DCK: variants seen among roughly 807,000 people sequenced by gnomAD.
DCK encodes deoxycytidine kinase, also known as deoxyadenosine kinase.
DCK carries 23 observed loss-of-function variants against 38.3 expected under a neutral mutation model. The ratio of observed to expected loss-of-function variants is 0.60; its 90% CI spans 0.43 to 0.85. The LOEUF is 0.85. DCK is among the 40% of genes least tolerant of loss of function. The pLI, the probability that DCK is intolerant of heterozygous loss-of-function variation, is 0.00. For synonymous variants in DCK, 108 were observed against 100.6 expected (o/e 1.07, Z -0.44); for missense variants, 259 against 304.4 (o/e 0.85, Z 1.11).
chr4:71,002,679 C>G (rs1219933245), intron 2 of DCK, among the ~76,000 whole-genome samples: 1 of 151,986 alleles, frequency 6.6e-6, no homozygotes, highest in Admixed American at 6.6e-5. Flanking sequence ...ATAGTTAGCT[C>G]TTGTTGTTGC....
chr4:71,023,006 G>T (rs965371507), intron 3 of DCK, among the ~76,000 whole-genome samples: 1 of 151,884 alleles, frequency 6.6e-6, no homozygotes, highest in Non-Finnish European at 1.5e-5. Flanking sequence ...TTGATCTCAG[G>T]GCCCTTTTCA....
chr4:70,994,089 C>T (rs940465625), intron 1 of DCK, 163 bp downstream of exon 1: 1 of 641,868 alleles, frequency 1.6e-6, no homozygotes, highest in East Asian at 2.9e-5. Context: ...AGCATCCTTC[C>T]CTTACCTCCC....
At chr4:71,012,578 A>G (rs1740131092) in intron 2 of DCK, among the ~76,000 whole-genome samples, 1 of 152,204 alleles carries the variant, frequency 6.6e-6, no homozygotes, top group Non-Finnish European at 1.5e-5. Context: ...CTTCCAGAGG[A>G]ACGATCAGGC....
rs72854186 is a variant in DCK, at chr4:71,005,240, C to G, written c.207+7058C>G. Among the ~76,000 whole-genome samples, 54 of 151,934 alleles carry G rather than the reference C, an allele frequency of 3.6e-4. 1 individual carries two copies. The highest frequency in any genetic ancestry group is 1.3e-3 in the African/African-American group (53 of 41,454). On this transcript the variant is annotated intron_variant, in intron 2 of 6. Transcript: ENST00000286648. ...GAGGGAGTTCCCCCACCCCTTTCACCTTCCAGGTGAGGCGATGCCCCACCC... is the reference window on the plus strand; with the variant it reads ...GAGGGAGTTCCCCCACCCCTTTCACGTTCCAGGTGAGGCGATGCCCCACCC...
intron 2 of DCK, among the ~76,000 whole-genome samples, chr4:71,019,003 A>C (rs1740342699): frequency 6.6e-6 from 1 of 152,154 alleles, no homozygotes; most frequent in South Asian, 2.1e-4. Flanking sequence ...AACATTTATA[A>C]TTGCATACAA....
At chr4:71,006,051 G>T (rs577296807) in intron 2 of DCK, among the ~76,000 whole-genome samples, 1 of 146,962 alleles carries the variant, frequency 6.8e-6, no homozygotes, top group Non-Finnish European at 1.5e-5. Flanking sequence ...GCTTGAACCC[G>T]GGAGGTGGAG....
At chr4:71,012,930 T>C (rs550580281) in intron 2 of DCK, among the ~76,000 whole-genome samples, 82 of 152,230 alleles carry the variant, frequency 5.4e-4, no homozygotes, top group African/African-American at 1.9e-3. Context: ...CTTTGACGAA[T>C]TGAGAGAAGA....
At chr4:70,994,706 G>A (rs1739621219) in intron 1 of DCK, among the ~76,000 whole-genome samples, 1 of 152,132 alleles carries the variant, frequency 6.6e-6, no homozygotes, top group Admixed American at 6.5e-5. Context: ...AACGAAACTC[G>A]AAACATTCGA....
At chr4:71,023,910 GT>G (rs1205470962) in intron 4 of DCK, among the ~76,000 whole-genome samples, 2 of 152,148 alleles carry the variant, frequency 1.3e-5, no homozygotes, top group Non-Finnish European at 2.9e-5. Flanking sequence ...GCAAGTTGCT[GT>G]TTTAGGCTCT....
Position 71,014,593 on chromosome 4 carries a change from C to A in DCK, c.208-7774C>A, listed in dbSNP as rs199992190. The stretch of plus-strand genomic sequence containing the variant: ...TCTCTCAGACCACAGTGCAATCGAA[C>A]CTAGAACTCAGGATTAAGAAACTTA... On this transcript the variant is annotated intron_variant, in intron 2 of 6. Coordinates refer to ENST00000286648, the MANE Select transcript of DCK (RefSeq NM_000788.3). Among the ~76,000 whole-genome samples the A allele has an allele frequency of 1.6e-3, 19 of 11,884 alleles. No individual in the cohort carries two copies. In the Non-Finnish European group the frequency reaches 0.15, roughly 95 times the overall value. The allele number at this position is 11,884 out of a possible 152,430, so 7.8% of individuals were successfully genotyped here.
At chr4:71,006,379 AG>A (rs1739943078) in intron 2 of DCK, 1 of 538,112 alleles carries the variant, frequency 1.9e-6, no homozygotes. Context: ...TGTATGTGTG[AG>A]AGAGACGTTG....
At chr4:71,000,791 T>C (rs1011856043) in intron 2 of DCK, among the ~76,000 whole-genome samples, 1 of 152,244 alleles carries the variant, frequency 6.6e-6, no homozygotes, top group Non-Finnish European at 1.5e-5. Flanking sequence ...CAATTGTGAA[T>C]GGGAATTCAC....
chr4:71,018,180 G>A (rs970592099), intron 2 of DCK, among the ~76,000 whole-genome samples: 3 of 137,322 alleles, frequency 2.2e-5, no homozygotes, highest in Admixed American at 1.7e-4. Flanking sequence ...AGGCTGGAGT[G>A]CAGTGGCGCC....
chr4:70,999,206 T>C (rs1739729655), intron 2 of DCK, among the ~76,000 whole-genome samples: 1 of 152,090 alleles, frequency 6.6e-6, no homozygotes, highest in East Asian at 1.9e-4. Flanking sequence ...GTGTGTGATG[T>C]TCCCCTCCCT....
chr4:71,013,666 A>G (rs1015102865), intron 2 of DCK, among the ~76,000 whole-genome samples: 17 of 152,334 alleles, frequency 1.1e-4, no homozygotes, highest in Admixed American at 3.3e-4. Flanking sequence ...ACTAAACTTC[A>G]TAAGTGAAGG....
chr4:70,996,550 G>C (rs576818802), intron 1 of DCK, among the ~76,000 whole-genome samples: 2 of 152,152 alleles, frequency 1.3e-5, no homozygotes, highest in South Asian at 2.1e-4. Flanking sequence ...CTGACACTGA[G>C]ACTTTGTTAG....
intron 2 of DCK, among the ~76,000 whole-genome samples, chr4:71,012,453 C>T (rs1353862749): frequency 4.6e-5 from 7 of 152,234 alleles, no homozygotes; most frequent in Middle Eastern, 3.2e-3. Flanking sequence ...GATCTGAGAA[C>T]GGACAGACTG....
intron 2 of DCK, among the ~76,000 whole-genome samples, chr4:71,014,960 C>A (rs1402201285): frequency 6.6e-6 from 1 of 152,064 alleles, no homozygotes; most frequent in Non-Finnish European, 1.5e-5. Flanking sequence ...AAAAACCCTT[C>A]AAAAAATCAA....
At position 71,012,433 on chromosome 4, in the gene DCK, C is replaced by T. The variant is rs550847514; in HGVS notation, c.208-9934C>T. Among the ~76,000 whole-genome samples, 19 of 152,376 alleles carry T rather than the reference C, an allele frequency of 1.2e-4. No homozygotes were observed. The East Asian group carries it at 3.1e-3, about 25-fold the overall frequency. On this transcript the variant is annotated intron_variant, in intron 2 of 6. Transcript: ENST00000286648. Reference sequence around the variant, plus strand: ...GAAGAGAGTAGTGGTTCTCTCAGCACGGAGTTTGAGATCTGAGAACGGACA... The same window carrying T: ...GAAGAGAGTAGTGGTTCTCTCAGCATGGAGTTTGAGATCTGAGAACGGACA...
Sources: allele counts gnomAD v4.1 joint callset (sites outside exome capture counted in the v4.1 genomes callset), GRCh38; gene constraint gnomAD v4.1.1; transcripts MANE v1.5; gene names NCBI Gene and HGNC (gene_info 2026-07-23, HGNC 2026-07-21).